NRG3: variants seen among roughly 807,000 people sequenced by gnomAD.
The protein encoded by NRG3 is neuregulin 3, also known as pro-neuregulin-3, membrane-bound isoform.
In NRG3, 31 loss-of-function variants were observed where a neutral mutation model predicts 66.9. The ratio of observed to expected loss-of-function variants is 0.46; its 90% CI spans 0.35 to 0.63. The LOEUF is 0.63. NRG3 is among the 20% of genes least tolerant of loss of function. The probability of loss-of-function intolerance (pLI) is 0.00; values close to 1 mark genes in which losing one functional copy is unlikely to be tolerated. For synonymous variants in NRG3, 393 were observed against 359.4 expected (o/e 1.09, Z -1.06); for missense variants, 910 against 878.9 (o/e 1.04, Z -0.45).
chr10:81,958,754 C>T (rs924590706), intron 1 of NRG3, among the ~76,000 whole-genome samples: 6 of 151,954 alleles, frequency 3.9e-5, no homozygotes, highest in Middle Eastern at 3.4e-3. Context: ...CTGGGCATGG[C>T]GGTGGATGCC....
At chr10:82,729,529 C>T (rs949451627) in intron 2 of NRG3, among the ~76,000 whole-genome samples, 1 of 152,080 alleles carries the variant, frequency 6.6e-6, no homozygotes, top group Non-Finnish European at 1.5e-5. Context: ...TGGAGAACAT[C>T]GCTATGCACC....
chr10:82,188,497 A>G (rs759251281), intron 1 of NRG3, among the ~76,000 whole-genome samples: 21 of 152,170 alleles, frequency 1.4e-4, no homozygotes. Context: ...GGATACAGTC[A>G]ACAAAGTGGA....
intron 1 of NRG3, among the ~76,000 whole-genome samples, chr10:81,909,933 T>TC (rs1356597964): frequency 6.6e-6 from 1 of 152,344 alleles, no homozygotes; most frequent in Admixed American, 6.5e-5. Flanking sequence ...TGTCCTCATG[T>TC]CATTCAGTGG....
chr10:82,104,435 G>A (rs2066941209), intron 1 of NRG3, among the ~76,000 whole-genome samples: 1 of 152,076 alleles, frequency 6.6e-6, no homozygotes, highest in Non-Finnish European at 1.5e-5. Flanking sequence ...TATATATTTG[G>A]CCAAGCTGTC....
chr10:81,952,810 T>C (rs1426498168), intron 1 of NRG3, among the ~76,000 whole-genome samples: 1 of 152,026 alleles, frequency 6.6e-6, no homozygotes, highest in Admixed American at 6.6e-5. Flanking sequence ...GAGATCTTGC[T>C]ATGTTGCCCA....
At chr10:82,074,452 A>G (rs1415648864) in intron 1 of NRG3, among the ~76,000 whole-genome samples, 1 of 152,206 alleles carries the variant, frequency 6.6e-6, no homozygotes, top group Admixed American at 6.5e-5. Context: ...TGTATTTAAA[A>G]TATAATTTTG....
chr10:82,650,479 A>C (rs1350228392), intron 2 of NRG3, among the ~76,000 whole-genome samples: 1 of 152,238 alleles, frequency 6.6e-6, no homozygotes, highest in African/African-American at 2.4e-5. Flanking sequence ...TATCAGCATG[A>C]GGGACACATC....
At chr10:82,840,442 T>G (rs913712958) in intron 3 of NRG3, among the ~76,000 whole-genome samples, 2 of 152,176 alleles carry the variant, frequency 1.3e-5, no homozygotes, top group Admixed American at 6.5e-5. Context: ...CTTTTACATC[T>G]CTGAAAGGTG....
At chr10:82,838,499 A>G (rs519003) in intron 3 of NRG3, among the ~76,000 whole-genome samples, 40,135 of 152,108 alleles carry the variant, frequency 0.26, 5,488 homozygotes, top group Non-Finnish European at 0.31. Context: ...TTTTTATTTT[A>G]TGATGACAGT....
At chr10:82,503,726 G>A (rs1844411727) in intron 2 of NRG3, among the ~76,000 whole-genome samples, 1 of 152,114 alleles carries the variant, frequency 6.6e-6, no homozygotes, top group South Asian at 2.1e-4. Flanking sequence ...TGGAAGCTCA[G>A]GAAAGATTAT....
intron 2 of NRG3, among the ~76,000 whole-genome samples, chr10:82,716,113 T>C (rs2134445309): frequency 6.6e-6 from 1 of 152,306 alleles, no homozygotes; most frequent in South Asian, 2.1e-4. Flanking sequence ...CTTGAGATTA[T>C]TTTGATATAA....
At chr10:82,477,651 A>C (rs1841900638) in intron 2 of NRG3, among the ~76,000 whole-genome samples, 1 of 152,216 alleles carries the variant, frequency 6.6e-6, no homozygotes, top group Admixed American at 6.5e-5. Context: ...GATGTTTTTT[A>C]GCAGGCAAGA....
chr10:82,010,724 A>C (rs2132632053), intron 1 of NRG3, among the ~76,000 whole-genome samples: 1 of 152,322 alleles, frequency 6.6e-6, no homozygotes, highest in South Asian at 2.1e-4. Context: ...GAGAGCCAGC[A>C]CTACCTGCCT....
chr10:82,409,105 C>T (rs1358801555), intron 2 of NRG3, among the ~76,000 whole-genome samples: 3 of 152,020 alleles, frequency 2.0e-5, no homozygotes, highest in African/African-American at 7.2e-5. Flanking sequence ...GAATTCAGTC[C>T]AAAAACTATG....
chr10:82,663,659 G>A (rs2052541079), intron 2 of NRG3, among the ~76,000 whole-genome samples: 1 of 152,210 alleles, frequency 6.6e-6, no homozygotes. Flanking sequence ...AGTGTTTGCA[G>A]CTTTGGGGTG....
At chr10:82,047,836 G>T (rs1391251203) in intron 1 of NRG3, among the ~76,000 whole-genome samples, 1 of 152,098 alleles carries the variant, frequency 6.6e-6, no homozygotes, top group Non-Finnish European at 1.5e-5. Context: ...CCATCAGTGT[G>T]CTATATTCAG....
chr10:82,166,817 T>C, intron 1 of NRG3: 1 of 672,538 alleles, frequency 1.5e-6, no homozygotes, highest in African/African-American at 1.8e-5. Flanking sequence ...GACGAATTCA[T>C]ACAAATTTTG....
intron 3 of NRG3, among the ~76,000 whole-genome samples, chr10:82,846,480 G>A: frequency 6.6e-6 from 1 of 152,096 alleles, no homozygotes; most frequent in East Asian, 1.9e-4. Context: ...TACTTTAAGG[G>A]ATCCCTGAAT....
chr10:81,952,931 C>T (rs966775134), intron 1 of NRG3, among the ~76,000 whole-genome samples: 1 of 151,756 alleles, frequency 6.6e-6, no homozygotes, highest in Non-Finnish European at 1.5e-5. Flanking sequence ...GACACTTGGC[C>T]GTTAACTTCT....
Sources: gnomAD v4.1 joint callset for allele counts (sites outside exome capture counted in the v4.1 genomes callset) on GRCh38, gnomAD v4.1.1 for gene constraint, MANE v1.5 for transcripts, NCBI Gene and HGNC (gene_info 2026-07-23, HGNC 2026-07-21) for gene names.